The following CORO2B variants were observed in gnomAD, a reference collection of about 807,000 sequenced individuals.
CORO2B encodes the protein coronin-2B.
A neutral mutation model predicts 58.8 loss-of-function variants in CORO2B; 26 were observed. The ratio of observed to expected loss-of-function variants is 0.44; its 90% CI spans 0.32 to 0.61. The LOEUF (loss-of-function observed/expected upper bound fraction) is 0.61, where lower values mean the gene tolerates loss of function less well. CORO2B is among the 20% of genes least tolerant of loss of function. The pLI is 0.04. For synonymous variants in CORO2B, 242 were observed against 253.8 expected (o/e 0.95, Z 0.44); for missense variants, 460 against 645.1 (o/e 0.71, Z 3.11).
At chr15:68,709,895 C>T (rs1053752904) in intron 3 of CORO2B, among the ~76,000 whole-genome samples, 9 of 152,080 alleles carry the variant, frequency 5.9e-5, no homozygotes, top group Non-Finnish European at 1.2e-4. Flanking sequence ...CCACCTACCA[C>T]CTACCTTATT....
chr15:68,567,398 G>A, the CORO2B span, among the ~76,000 whole-genome samples: 1 of 152,188 alleles, frequency 6.6e-6, no homozygotes, highest in African/African-American at 2.4e-5. Flanking sequence ...CTGACTAGGG[G>A]CAGTAAATTT....
intron 1 of CORO2B, among the ~76,000 whole-genome samples, chr15:68,613,178 CCA>C (rs1277888809): frequency 6.6e-6 from 1 of 152,134 alleles, no homozygotes; most frequent in Non-Finnish European, 1.5e-5. Flanking sequence ...TATCGCATGA[CCA>C]CATACTAGGT....
chr15:68,623,887 C>A (rs1050258294), intron 1 of CORO2B, among the ~76,000 whole-genome samples: 1 of 152,162 alleles, frequency 6.6e-6, no homozygotes, highest in African/African-American at 2.4e-5. Context: ...TGCAGCTGAG[C>A]GTGGGTCGCA....
chr15:68,691,182 A>G (rs1315913022), intron 2 of CORO2B, among the ~76,000 whole-genome samples: 1 of 150,740 alleles, frequency 6.6e-6, no homozygotes, highest in Non-Finnish European at 1.5e-5. Flanking sequence ...ACAAAAAATT[A>G]GCCGGGCAAG....
At chr15:68,635,053 C>G (rs1900986243) in intron 1 of CORO2B, among the ~76,000 whole-genome samples, 1 of 152,168 alleles carries the variant, frequency 6.6e-6, no homozygotes, top group Non-Finnish European at 1.5e-5. Flanking sequence ...TTTCCACAAA[C>G]ACTTCAGGTG....
At position 68,727,375 on chromosome 15, in the gene CORO2B, C is replaced by T. The variant is rs1353587018; in HGVS notation, c.*1401C>T. ...TTTATTCCTTCTTTTTTCCTCCTTT[C>T]ATTTCCCACTACGCACAAAGAGTTT... On this transcript the variant is annotated 3_prime_UTR_variant, in exon 12 of 12. Coordinates refer to ENST00000261861, the MANE Select transcript of CORO2B (RefSeq NM_006091.5). 1 of 152,396 alleles carries T rather than the reference C, an allele frequency of 6.6e-6. No homozygotes were observed. Among genetic ancestry groups the T allele is most frequent in the African/African-American group, 2.4e-5 (1 of 41,406 alleles). 9.4% of individuals were successfully genotyped at this position (152,396 alleles called of 1,614,324 possible).
chr15:68,556,403 C>G, the CORO2B span, among the ~76,000 whole-genome samples: 2 of 152,200 alleles, frequency 1.3e-5, no homozygotes, highest in Non-Finnish European at 2.9e-5. Flanking sequence ...CCTACAACTC[C>G]TCACCCACAT....
rs33913544 is a variant in CORO2B at position 68,718,780 on chromosome 15, C to T, written c.1050C>T (p.Ile350=). 0.21 allele frequency: 345,175 copies of T among 1,613,630 alleles called. 39,515 individuals carry two copies. Among genetic ancestry groups the T allele is most frequent in the Non-Finnish European group, 0.24 (280,565 of 1,179,668 alleles). Residue 350 remains isoleucine, a synonymous_variant, in exon 9 of 12, where the codon ATC becomes ATT. Coordinates refer to ENST00000261861, the MANE Select transcript of CORO2B (RefSeq NM_006091.5). The part of the protein sequence containing the change: ...FYKLVTLKGL[I]EPISMIVPRR... ...AGCTGGTGACTCTCAAGGGCCTGAT[C>T]GAGCCCATCTCCATGATCGTGCCCC...
At chr15:68,528,139 C>T in the CORO2B span, among the ~76,000 whole-genome samples, 1 of 152,004 alleles carries the variant, frequency 6.6e-6, no homozygotes, top group Non-Finnish European at 1.5e-5. Flanking sequence ...CTTTTTCTTG[C>T]CTATTTCACT....
the CORO2B span, among the ~76,000 whole-genome samples, chr15:68,539,052 T>C: frequency 6.6e-6 from 1 of 152,222 alleles, no homozygotes; most frequent in Non-Finnish European, 1.5e-5. Flanking sequence ...ATAATTGAAG[T>C]GTATTAAGCT....
chr15:68,626,299 A>G (rs1900681021), intron 1 of CORO2B, among the ~76,000 whole-genome samples: 1 of 152,156 alleles, frequency 6.6e-6, no homozygotes, highest in Non-Finnish European at 1.5e-5. Context: ...ATGTGGGTGC[A>G]TAGTAGTTTC....
intron 3 of CORO2B, among the ~76,000 whole-genome samples, chr15:68,707,850 C>T (rs1451408711): frequency 6.6e-6 from 1 of 152,114 alleles, no homozygotes; most frequent in African/African-American, 2.4e-5. Flanking sequence ...ACTTCCAGAC[C>T]AGTCTTCATC....
At chr15:68,717,791 G>A (rs1390740079) in intron 8 of CORO2B, among the ~76,000 whole-genome samples, 1 of 152,188 alleles carries the variant, frequency 6.6e-6, no homozygotes, top group Admixed American at 6.5e-5. Context: ...GGAAGAGCAG[G>A]CTTCCAGCCC....
the CORO2B span, among the ~76,000 whole-genome samples, chr15:68,565,312 T>C: frequency 2.7e-5 from 3 of 112,238 alleles, no homozygotes; most frequent in Non-Finnish European, 6.0e-5. Flanking sequence ...TTTTTCTTTT[T>C]ATTTAAAAAA....
chr15:68,695,833 G>C (rs1189911208), intron 3 of CORO2B, among the ~76,000 whole-genome samples: 2 of 152,086 alleles, frequency 1.3e-5, no homozygotes, highest in Non-Finnish European at 2.9e-5. Flanking sequence ...AGGGAGATAA[G>C]TAAGAGAGAT....
the CORO2B span, among the ~76,000 whole-genome samples, chr15:68,532,310 A>G: frequency 6.6e-6 from 1 of 152,172 alleles, no homozygotes; most frequent in East Asian, 1.9e-4. Flanking sequence ...GTGCTGCCCC[A>G]TAAGACATTG....
At chr15:68,714,764 C>A (rs1892993425) in intron 7 of CORO2B, 101 bp downstream of exon 7, 1 of 877,414 alleles carries the variant, frequency 1.1e-6, no homozygotes, top group South Asian at 1.5e-5. Context: ...GCCAGCCTAA[C>A]CTTCCAAGTT....
chr15:68,671,900 A>T (rs112011168), intron 2 of CORO2B, among the ~76,000 whole-genome samples: 1 of 152,166 alleles, frequency 6.6e-6, no homozygotes, highest in Admixed American at 6.5e-5. Flanking sequence ...CTAGGAGGTG[A>T]GATTACAGGA....
intron 1 of CORO2B, among the ~76,000 whole-genome samples, chr15:68,613,598 A>G (rs1900288144): frequency 6.6e-6 from 1 of 152,222 alleles, no homozygotes; most frequent in Admixed American, 6.5e-5. Flanking sequence ...GCACAATGCC[A>G]TGGACTTTTA....
Sources: gnomAD v4.1 joint callset for allele counts (sites outside exome capture counted in the v4.1 genomes callset) on GRCh38, gnomAD v4.1.1 for gene constraint, MANE v1.5 for transcripts, NCBI Gene and HGNC (gene_info 2026-07-23, HGNC 2026-07-21) for gene names.